The following SPATA32 variants were observed in gnomAD, a reference collection of about 807,000 sequenced individuals.
SPATA32 encodes the protein spermatogenesis-associated protein 32.
A neutral mutation model predicts 35.4 loss-of-function variants in SPATA32; 28 were observed. That is an observed-to-expected ratio of 0.79 (90% CI 0.59 to 1.09). SPATA32 has a LOEUF of 1.09. SPATA32 is among the 50% of genes least tolerant of loss of function. The probability of loss-of-function intolerance (pLI) is 0.00; values close to 1 mark genes in which losing one functional copy is unlikely to be tolerated. For synonymous variants in SPATA32, 168 were observed against 196.3 expected, an observed-to-expected ratio of 0.86 and a Z score of 1.20; for missense variants, 409 against 475.9, an observed-to-expected ratio of 0.86 and a Z score of 1.31.
Position 45,256,491 on chromosome 17 carries a change from A to T in SPATA32, c.69-76T>A. 3.0e-6 allele frequency: 4 copies of T among 1,320,390 alleles called. No homozygotes were observed. In the East Asian group the frequency reaches 9.2e-5, roughly 30 times the overall value. The allele number at this position is 1,320,390 out of a possible 1,614,324, so 81.8% of individuals were successfully genotyped here. A position where few individuals can be genotyped will look rare whatever the true frequency, so the allele number is the denominator to read the frequency against. Reference sequence around the variant, plus strand: ...GGGAAGGGGGTTTCTGGGGCCCTCAAAGCCCTCTGCCTTGTAACAGAAGCT... The same window carrying T: ...GGGAAGGGGGTTTCTGGGGCCCTCATAGCCCTCTGCCTTGTAACAGAAGCT... On this transcript the variant is annotated intron_variant, in intron 2 of 4. Transcript: ENST00000331780. The surrounding 1 kb of genome is among the most constrained non-coding windows in gnomAD (Gnocchi z 4.7).
Position 45,254,530 on chromosome 17 carries a change from AGAGT to A in SPATA32, c.1068-21_1068-18del, listed in dbSNP as rs1374986674. The A allele has an allele frequency of 6.2e-7, 1 of 1,613,456 alleles. No individual in the cohort carries two copies. The highest frequency in any genetic ancestry group is 1.7e-5 in the Admixed American group (1 of 60,020). On this transcript the variant is annotated intron_variant, in intron 4 of 4. Coordinates refer to ENST00000331780, the MANE Select transcript of SPATA32 (RefSeq NM_152343.3). ...GGCACTGAGCTGCAACACAAAAGAG[AGAGT>A]GTCACTTGGGCCCCAGAGGGTGGTT... is the stretch of plus-strand genomic sequence containing the variant.
In SPATA32 at chr17:45,256,694, C is replaced by A. The variant is rs1195965859; in HGVS notation, c.69-279G>T. Among the ~76,000 whole-genome samples the A allele has an allele frequency of 6.6e-6, 1 of 152,060 alleles. No individual in the cohort carries two copies. The highest frequency in any genetic ancestry group is 2.4e-5 in the African/African-American group (1 of 41,380). The stretch of plus-strand genomic sequence containing the variant: ...GAATCCAGTTGGTTGGAGGTAAGGC[C>A]CAGGAATCTCATTTTTATCAAGCAC... On this transcript the variant is annotated intron_variant, in intron 2 of 4. Coordinates refer to ENST00000331780, the MANE Select transcript of SPATA32 (RefSeq NM_152343.3). The surrounding 1 kb of genome is among the most constrained non-coding windows in gnomAD (Gnocchi z 4.7).
chr17:45,258,056 G>A (rs28635767), intron 1 of SPATA32, among the ~76,000 whole-genome samples: 3,118 of 152,260 alleles, frequency 0.02, 119 homozygotes, highest in African/African-American at 0.071. Context: ...TGCAAGGTGG[G>A]TCCCCATCAG....
Position 45,256,519 on chromosome 17 carries a change from C to T in SPATA32, c.69-104G>A. On this transcript the variant is annotated intron_variant, in intron 2 of 4. Transcript: ENST00000331780. This position sits in a 1 kb window ranked among gnomAD's most constrained non-coding sequence, Gnocchi z 4.7. ...CCCTCTGCCTTGTAACAGAAGCTGG[C>T]ACGATGCACCTCCCGCCGACCACCC... The T allele has an allele frequency of 1.0e-6, 1 of 985,300 alleles. No individual in the cohort carries two copies. Among genetic ancestry groups the T allele is most frequent in the Non-Finnish European group, 1.6e-6 (1 of 617,620 alleles). The allele number at this position is 985,300 out of a possible 1,614,324, so 61.0% of individuals were successfully genotyped here.
Position 45,256,272 on chromosome 17 carries a change from T to C in SPATA32, c.108+104A>G. ...TGTGGGTGTACCCACACCGGCCTGG[T>C]ACTAGGGTCCCAGGATTGTCAAGGG... On this transcript the variant is annotated intron_variant, in intron 3 of 4. Coordinates refer to ENST00000331780, the MANE Select transcript of SPATA32 (RefSeq NM_152343.3). The surrounding 1 kb of genome is among the most constrained non-coding windows in gnomAD (Gnocchi z 4.7). The C allele has an allele frequency of 2.3e-6, 3 of 1,299,762 alleles. No homozygotes were observed. The highest frequency in any genetic ancestry group is 3.4e-6 in the Non-Finnish European group (3 of 895,176). 80.5% of individuals were successfully genotyped at this position (1,299,762 alleles called of 1,614,324 possible). A position where few individuals can be genotyped will look rare whatever the true frequency, so the allele number is the denominator to read the frequency against.
In SPATA32 at chr17:45,257,226, T is replaced by C. The variant is rs1356355666; in HGVS notation, c.14-19A>G. On this transcript the variant is annotated intron_variant, in intron 1 of 4. Transcript: ENST00000331780. The stretch of plus-strand genomic sequence containing the variant: ...TGGGCACCTGACAGGGGAAAGGAGG[T>C]GAGGGCAGGGAGCTGCAGGGTAGAG... 6.2e-7 allele frequency: 1 copy of C among 1,603,638 alleles called. No individual in the cohort carries two copies. The highest frequency in any genetic ancestry group is 8.5e-7 in the Non-Finnish European group (1 of 1,174,984).
chr17:45,261,822 A>T, intron 1 of SPATA32, 182 bp downstream of exon 1: 1 of 547,072 alleles, frequency 1.8e-6, no homozygotes, highest in Non-Finnish European at 2.8e-6. Context: ...TGGGAGCCGT[A>T]GTCAGGGGCA....
chr17:45,257,327 C>A (rs1425773142), intron 1 of SPATA32, 120 bp from the exon 2 acceptor site: 2 of 1,093,612 alleles, frequency 1.8e-6, no homozygotes, highest in South Asian at 1.4e-5. Context: ...GCTATTCCCC[C>A]TCACCGTCCT....
chr17:45,258,480 G>A (rs939799523), intron 1 of SPATA32, among the ~76,000 whole-genome samples: 1 of 152,152 alleles, frequency 6.6e-6, no homozygotes, highest in Non-Finnish European at 1.5e-5. Context: ...CGGCAGCTGG[G>A]TATGGACAGG....
intron 1 of SPATA32, among the ~76,000 whole-genome samples, chr17:45,258,399 G>A (rs1231941838): frequency 6.6e-6 from 1 of 152,060 alleles, no homozygotes; most frequent in Non-Finnish European, 1.5e-5. Flanking sequence ...CTGACCTCAG[G>A]GCCTTTGCTC....
In SPATA32 at chr17:45,255,448, G is replaced by A. The variant is rs371634330; in HGVS notation, c.734C>T (p.Ala245Val). ...PIDLTELITF[A>V]SSLAMASSSR... The stretch of plus-strand genomic sequence containing the variant: ...GGAGGAGGCCATGGCCAGGGAAGAT[G>A]CAAAGGTGATTAGCTCTGTCAGGTC... The change falls in exon 4 of 5, where the codon GCA becomes GTA. Residue 245 changes from alanine (A) to valine (V), a missense_variant. Ala to Val is a moderately conservative substitution (Grantham distance 64). Transcript: ENST00000331780. This position sits in a 1 kb window ranked among gnomAD's most constrained non-coding sequence, Gnocchi z 5.4. The A allele has an allele frequency of 6.2e-7, 1 of 1,614,178 alleles. No individual in the cohort carries two copies. The highest frequency in any genetic ancestry group is 1.3e-5 in the African/African-American group (1 of 75,048).
chr17:45,261,875 C>T (rs2044012870), intron 1 of SPATA32, 129 bp downstream of exon 1: 1 of 1,086,688 alleles, frequency 9.2e-7, no homozygotes, highest in East Asian at 3.2e-5. Context: ...TTTCAGGTGC[C>T]GGGGGTTTGG....
At position 45,255,074 on chromosome 17, in the gene SPATA32, C is replaced by T. The variant is rs1482269480; in HGVS notation, c.1067+41G>A. On this transcript the variant is annotated intron_variant, in intron 4 of 4. Transcript: ENST00000331780. This position sits in a 1 kb window ranked among gnomAD's most constrained non-coding sequence, Gnocchi z 5.4. ...TGTGAGGACCCCTGCCACGTTCTAG[C>T]ACAGCCCCTCTATGGGAGCTGCGGG... The T allele has an allele frequency of 6.3e-7, 1 of 1,591,360 alleles. No individual in the cohort carries two copies. The highest frequency in any genetic ancestry group is 1.3e-5 in the African/African-American group (1 of 74,440).
Position 45,256,265 on chromosome 17 carries a change from G to T in SPATA32, c.108+111C>A. ...GTGTGTGTGTGGGTGTACCCACACC[G>T]GCCTGGTACTAGGGTCCCAGGATTG... On this transcript the variant is annotated intron_variant, in intron 3 of 4. Transcript: ENST00000331780. The surrounding 1 kb of genome is among the most constrained non-coding windows in gnomAD (Gnocchi z 4.7). 2 of 1,264,128 alleles carry T rather than the reference G, an allele frequency of 1.6e-6. No individual in the cohort carries two copies. Among genetic ancestry groups the T allele is most frequent in the Middle Eastern group, 2.0e-4 (1 of 5,100 alleles). 78.3% of individuals were successfully genotyped at this position (1,264,128 alleles called of 1,614,324 possible).
intron 1 of SPATA32, among the ~76,000 whole-genome samples, chr17:45,258,111 G>T (rs2043974359): frequency 6.6e-6 from 1 of 152,190 alleles, no homozygotes; most frequent in African/African-American, 2.4e-5. Flanking sequence ...TGGCTGGGAA[G>T]AATCGCTCCC....
chr17:45,257,024 G>T, intron 2 of SPATA32, 129 bp downstream of exon 2: 1 of 1,049,330 alleles, frequency 9.5e-7, no homozygotes, highest in Admixed American at 2.0e-5. Context: ...CTGGACACTG[G>T]CCCCGGGGAG....
At chr17:45,259,856 TACTGGGATAA>T (rs1208107037) in intron 1 of SPATA32, 1 of 152,212 alleles carries the variant, frequency 6.6e-6, no homozygotes, top group African/African-American at 2.4e-5. Flanking sequence ...AGCCTTGCGT[TACTGGGATAA>T]ACCTCATTTG....
chr17:45,259,856 T>C (rs2043989367), intron 1 of SPATA32: 1 of 152,212 alleles, frequency 6.6e-6, no homozygotes, highest in Non-Finnish European at 1.5e-5. Flanking sequence ...AGCCTTGCGT[T>C]ACTGGGATAA....
intron 1 of SPATA32, among the ~76,000 whole-genome samples, chr17:45,257,493 G>A (rs1283526040): frequency 1.3e-5 from 2 of 151,966 alleles, no homozygotes; most frequent in African/African-American, 4.8e-5. Context: ...ATGACAGAGC[G>A]CTTCCATAGC....
Sources: gnomAD v4.1 joint callset for allele counts (sites outside exome capture counted in the v4.1 genomes callset) on GRCh38, gnomAD v4.1.1 for gene constraint, Gnocchi (gnomAD v3.1) non-coding constraint, MANE v1.5 for transcripts, NCBI Gene and HGNC (gene_info 2026-07-23, HGNC 2026-07-21) for gene names.